The following JADE3 variants were observed in gnomAD, a reference collection of about 807,000 sequenced individuals.
JADE3 encodes the protein jade family PHD finger 3, also known as protein Jade-3.
JADE3 carries 2 observed loss-of-function variants against 50.1 expected under a neutral mutation model. That is an observed-to-expected ratio of 0.04 (90% CI 0.02 to 0.13). The LOEUF is 0.13. Ranked by LOEUF, JADE3 falls within the 10% of genes least tolerant of loss-of-function variation. JADE3 has a pLI of 1.00. For missense variants in JADE3, 475 were observed against 634.4 expected (o/e 0.75, Z 2.70); for synonymous variants, 218 against 232.9 (o/e 0.94, Z 0.58).
chrX:47,015,752 C>G (rs1348180270), intron 4 of JADE3, among the ~76,000 whole-genome samples: 2 of 78,909 alleles, frequency 2.5e-5, no homozygotes, highest in Non-Finnish European at 4.6e-5. Context: ...GAGACAGGAT[C>G]TCTGTCACTT....
intron 1 of JADE3, among the ~76,000 whole-genome samples, chrX:46,945,568 G>A (rs1556343206): frequency 9.0e-6 from 1 of 111,266 alleles, no homozygotes; most frequent in Non-Finnish European, 1.9e-5. Flanking sequence ...TCAACTAAGG[G>A]TACTAGTGTC....
At chrX:47,047,071 C>T (rs1556370858) in intron 8 of JADE3, among the ~76,000 whole-genome samples, 3 of 111,434 alleles carry the variant, frequency 2.7e-5, no homozygotes, top group South Asian at 7.5e-4. Flanking sequence ...GTGGCTCATA[C>T]CTAAAATCCC....
intron 4 of JADE3, among the ~76,000 whole-genome samples, chrX:47,021,599 A>G (rs1928794420): frequency 8.9e-6 from 1 of 111,936 alleles, no homozygotes; most frequent in African/African-American, 3.2e-5. Flanking sequence ...ACCAACATTT[A>G]GTATTTTCAA....
At chrX:46,946,387 C>T (rs1433255007) in intron 1 of JADE3, among the ~76,000 whole-genome samples, 1 of 111,484 alleles carries the variant, frequency 9.0e-6, no homozygotes, top group African/African-American at 3.3e-5. Flanking sequence ...ACCCAGCCCT[C>T]CCATGGAGGT....
Position 47,007,175 on chromosome X carries a change from G to T in JADE3, c.284+8898G>T, listed in dbSNP as rs782372061. 5.4e-5 allele frequency among the ~76,000 whole-genome samples: 6 copies of T among 111,268 alleles called. No individual in the cohort carries two copies. In the South Asian group the frequency reaches 2.3e-3, roughly 43 times the overall value. On this transcript the variant is annotated intron_variant, in intron 4 of 10. Transcript: ENST00000614628. The stretch of plus-strand genomic sequence containing the variant: ...AATTCCAGTTATTTAAATTTGTTGA[G>T]GTTTATTTTATGGCCCAGGATATGG...
intron 1 of JADE3, among the ~76,000 whole-genome samples, chrX:46,982,650 A>C: frequency 9.2e-6 from 1 of 108,733 alleles, no homozygotes; most frequent in South Asian, 4.0e-4. Flanking sequence ...TATTTCCTCA[A>C]CCCCCATTCT....
At chrX:46,952,418 A>G (rs1927024388) in intron 1 of JADE3, among the ~76,000 whole-genome samples, 1 of 111,798 alleles carries the variant, frequency 8.9e-6, no homozygotes, top group Non-Finnish European at 1.9e-5. Context: ...TGTGCCACCC[A>G]CCTGTCAGTC....
intron 4 of JADE3, among the ~76,000 whole-genome samples, chrX:47,018,839 A>C (rs1050448519): frequency 9.0e-6 from 1 of 111,440 alleles, no homozygotes; most frequent in Non-Finnish European, 1.9e-5. Context: ...CTAGGGCCTC[A>C]TCAAGGAAGA....
At chrX:47,000,585 C>T (rs998272723) in intron 4 of JADE3, among the ~76,000 whole-genome samples, 1 of 111,559 alleles carries the variant, frequency 9.0e-6, no homozygotes, top group African/African-American at 3.3e-5. Flanking sequence ...TAGGGTCTCG[C>T]TCTGTCACTC....
At chrX:46,924,346 A>G (rs1187033687) in intron 1 of JADE3, among the ~76,000 whole-genome samples, 3 of 112,243 alleles carry the variant, frequency 2.7e-5, no homozygotes, top group African/African-American at 9.7e-5. Flanking sequence ...TGGTCCTCCT[A>G]CAAGTTTATA....
intron 4 of JADE3, among the ~76,000 whole-genome samples, chrX:47,009,399 G>T (rs1928507388): frequency 9.0e-6 from 1 of 111,147 alleles, no homozygotes; most frequent in Non-Finnish European, 1.9e-5. Context: ...AGAAAGACAA[G>T]ATGTGACTGT....
chrX:47,000,164 T>C (rs1928245394), intron 4 of JADE3, among the ~76,000 whole-genome samples: 1 of 111,041 alleles, frequency 9.0e-6, no homozygotes, highest in Non-Finnish European at 1.9e-5. Context: ...TCCACAGCCT[T>C]GCTCAGCACA....
At chrX:46,921,925 T>C (rs1556337795) in intron 1 of JADE3, among the ~76,000 whole-genome samples, 1 of 109,602 alleles carries the variant, frequency 9.1e-6, no homozygotes, top group African/African-American at 3.3e-5. Flanking sequence ...TAATCCTTTT[T>C]TTTTTTTTTA....
chrX:47,033,782 C>T lies in JADE3; in HGVS notation c.849C>T (p.Ile283=). ...KWAHVSCALW[I]PEVSIACPER... ...CTCATGTCAGCTGTGCCCTGTGGAT[C>T]CCAGAGGTAAGAATTCATCCAGGCC... The change falls in exon 7 of 11, where the codon ATC becomes ATT. Residue 283 remains isoleucine (I), a synonymous_variant. Transcript: ENST00000614628. 8.6e-7 allele frequency: 1 copy of T among 1,165,392 alleles called. No homozygotes were observed. The highest frequency in any genetic ancestry group is 1.8e-5 in the African/African-American group (1 of 56,213).
intron 1 of JADE3, among the ~76,000 whole-genome samples, chrX:46,913,498 CT>C (rs1363824210): frequency 8.9e-6 from 1 of 111,917 alleles, no homozygotes; most frequent in African/African-American, 3.2e-5. Context: ...GCAAAGTTAA[CT>C]TTTCTCCAGC....
chrX:46,985,800 C>G lies in JADE3; in HGVS notation c.126+8C>G, dbSNP rs1291416789. ...CACAAGAAACCTGCTGAGGTGAGAT[C>G]GTATTCTCAATTTTTAGACTTAAGC... On this transcript the variant is annotated splice_region_variant and intron_variant, in intron 3 of 10. Transcript: ENST00000614628. 1 of 1,131,602 alleles carries G rather than the reference C, an allele frequency of 8.8e-7. No homozygotes were observed. Among genetic ancestry groups the G allele is most frequent in the Non-Finnish European group, 1.2e-6 (1 of 825,983 alleles). The allele number at this position is 1,131,602 out of a possible 1,213,427, so 93.3% of individuals were successfully genotyped here.
At chrX:47,026,492 G>A (rs1213033676) in intron 5 of JADE3, among the ~76,000 whole-genome samples, 1 of 110,243 alleles carries the variant, frequency 9.1e-6, no homozygotes, top group African/African-American at 3.3e-5. Flanking sequence ...GGGATTTCAA[G>A]GTTTTTTTTT....
At chrX:47,029,121 AGTCTG>A (rs1262541374) in intron 6 of JADE3, among the ~76,000 whole-genome samples, 2 of 111,742 alleles carry the variant, frequency 1.8e-5, no homozygotes, top group Non-Finnish European at 3.8e-5. Flanking sequence ...GGGAGATCAT[AGTCTG>A]GTGAAAGAAA....
chrX:46,956,816 C>T (rs1274964476), intron 1 of JADE3, among the ~76,000 whole-genome samples: 1 of 101,567 alleles, frequency 9.8e-6, no homozygotes, highest in Non-Finnish European at 2.0e-5. Flanking sequence ...CTCCCCTCCC[C>T]TTTCCTTTCT....
Sources: allele counts gnomAD v4.1 joint callset (sites outside exome capture counted in the v4.1 genomes callset), GRCh38; gene constraint gnomAD v4.1.1; transcripts MANE v1.5; gene names NCBI Gene and HGNC (gene_info 2026-07-23, HGNC 2026-07-21).